ELAVL4: variants seen among roughly 807,000 people sequenced by gnomAD.
ELAVL4 encodes the protein ELAV like RNA binding protein 4.
A neutral mutation model predicts 35.6 loss-of-function variants in ELAVL4; 1 was observed. That is an observed-to-expected ratio of 0.03 (90% confidence interval 0.01 to 0.13). The LOEUF (loss-of-function observed/expected upper bound fraction) is 0.13, where lower values mean the gene tolerates loss of function less well. Among genes scored for constraint, ELAVL4 ranks in the 10% least tolerant of loss-of-function variants. The pLI, the probability that ELAVL4 is intolerant of heterozygous loss-of-function variation, is 1.00. For synonymous variants in ELAVL4, 156 were observed against 171.0 expected, an observed-to-expected ratio of 0.91 and a Z score of 0.69; for missense variants, 267 against 464.9, an observed-to-expected ratio of 0.57 and a Z score of 3.91.
At chr1:50,144,556 G>T in intron 1 of ELAVL4, 1 of 480,552 alleles carries the variant, frequency 2.1e-6, no homozygotes, top group South Asian at 1.5e-5. Context: ...TGTGAGTGTA[G>T]TCCTCTATAT....
intron 3 of ELAVL4, among the ~76,000 whole-genome samples, chr1:50,186,297 A>AT (rs35871729): frequency 6.6e-4 from 100 of 151,268 alleles, no homozygotes; most frequent in Non-Finnish European, 9.9e-4. Context: ...TTGAGAGAGC[A>AT]TTTTTTTTTG....
intron 1 of ELAVL4, among the ~76,000 whole-genome samples, chr1:50,081,714 A>G (rs10159329): frequency 0.064 from 9,730 of 152,278 alleles, 971 homozygotes; most frequent in African/African-American, 0.21. Context: ...GTTCTGGGAT[A>G]CATGTGCAGA....
intron 1 of ELAVL4, among the ~76,000 whole-genome samples, chr1:50,062,246 G>A (rs993456096): frequency 3.3e-5 from 5 of 152,216 alleles, no homozygotes; most frequent in African/African-American, 9.6e-5. Context: ...AGATAGCATC[G>A]GTCTTTGCTC....
chr1:50,110,896 G>A (rs1666956970), intron 1 of ELAVL4, among the ~76,000 whole-genome samples: 2 of 151,962 alleles, frequency 1.3e-5, no homozygotes, highest in Non-Finnish European at 2.9e-5. Context: ...AAAGGTTGCC[G>A]GGGAAACGAA....
intron 1 of ELAVL4, among the ~76,000 whole-genome samples, chr1:50,111,507 AT>A (rs1265035920): frequency 6.6e-6 from 1 of 152,106 alleles, no homozygotes; most frequent in Non-Finnish European, 1.5e-5. Flanking sequence ...ACTAAATCGG[AT>A]GTTGATACTA....
intron 2 of ELAVL4, among the ~76,000 whole-genome samples, chr1:50,158,308 C>T (rs1676109667): frequency 6.6e-6 from 1 of 152,092 alleles, no homozygotes; most frequent in Non-Finnish European, 1.5e-5. Flanking sequence ...GTGGCAAAGT[C>T]GAACCAATGT....
intron 1 of ELAVL4, among the ~76,000 whole-genome samples, chr1:50,074,100 G>T (rs1664656167): frequency 6.6e-6 from 1 of 152,180 alleles, no homozygotes; most frequent in African/African-American, 2.4e-5. Flanking sequence ...GGGTCCTGGG[G>T]CCATAGATGT....
chr1:50,069,384 C>A (rs971389736), intron 1 of ELAVL4, among the ~76,000 whole-genome samples: 2 of 152,172 alleles, frequency 1.3e-5, no homozygotes, highest in African/African-American at 4.8e-5. Context: ...CTGGTTGAGT[C>A]TTGTCTCCCT....
intron 3 of ELAVL4, chr1:50,180,874 T>C (rs1680913717): frequency 6.6e-6 from 1 of 152,198 alleles, no homozygotes; most frequent in Admixed American, 6.5e-5. Flanking sequence ...TAAAGATTAA[T>C]AGTAATGCTA....
intron 1 of ELAVL4, among the ~76,000 whole-genome samples, chr1:50,092,708 A>G (rs538573365): frequency 6.6e-6 from 1 of 152,284 alleles, no homozygotes; most frequent in South Asian, 2.1e-4. Context: ...TGATTTTTAA[A>G]TATTCAGAAA....
intron 1 of ELAVL4, among the ~76,000 whole-genome samples, chr1:50,080,438 A>T (rs201973752): frequency 6.6e-6 from 1 of 151,722 alleles, no homozygotes; most frequent in African/African-American, 2.4e-5. Flanking sequence ...ACACACACAC[A>T]CTCACACACA....
intron 2 of ELAVL4, 65 bp downstream of exon 2, chr1:50,145,262 G>A: frequency 6.3e-7 from 1 of 1,598,686 alleles, no homozygotes; most frequent in Admixed American, 1.7e-5. Context: ...AAATGCACAT[G>A]TGTGATGGTG....
intron 1 of ELAVL4, among the ~76,000 whole-genome samples, chr1:50,050,326 A>G (rs557519771): frequency 6.6e-6 from 1 of 152,148 alleles, no homozygotes; most frequent in African/African-American, 2.4e-5. Context: ...GGGGAGGGAG[A>G]TTTGGCTACA....
At chr1:50,139,649 A>C (rs1260898230) in intron 1 of ELAVL4, among the ~76,000 whole-genome samples, 1 of 152,166 alleles carries the variant, frequency 6.6e-6, no homozygotes, top group African/African-American at 2.4e-5. Context: ...CTAGTGTTAC[A>C]GGTAACTTGG....
At chr1:50,112,216 T>C (rs1003350883) in intron 1 of ELAVL4, among the ~76,000 whole-genome samples, 1 of 152,116 alleles carries the variant, frequency 6.6e-6, no homozygotes, top group African/African-American at 2.4e-5. Flanking sequence ...GGCCATATGT[T>C]GAGTGCATAA....
At chr1:50,130,628 T>C (rs535876116) in intron 1 of ELAVL4, among the ~76,000 whole-genome samples, 6 of 152,322 alleles carry the variant, frequency 3.9e-5, no homozygotes, top group African/African-American at 1.4e-4. Flanking sequence ...ACTTTGTATG[T>C]ACTTTTTCCA....
rs1455730459 is a variant in ELAVL4 at position 50,114,092 on chromosome 1, A to G, written c.9+4894A>G. 8.5e-5 allele frequency among the ~76,000 whole-genome samples: 13 copies of G among 152,190 alleles called. No homozygotes were observed. The South Asian group carries it at 2.5e-3, about 29-fold the overall frequency. On this transcript the variant is annotated intron_variant, in intron 1 of 6. Transcript: ENST00000371824. ...AGACCCTGCAGTCTGTTAGTAACCA[A>G]ACACCTTTCTTTAGCTGCCACTTAA...
chr1:50,103,850 G>T (rs558966922), upstream of ELAVL4: 2 of 1,530,528 alleles, frequency 1.3e-6, no homozygotes, highest in East Asian at 2.4e-5. Context: ...CAGACAGCCG[G>T]AACAGGAGGA....
At chr1:50,119,036 AAAAG>A (rs531184149) in intron 1 of ELAVL4, among the ~76,000 whole-genome samples, 20,085 of 127,026 alleles carry the variant, frequency 0.16, 1,691 homozygotes, top group Non-Finnish European at 0.2. Flanking sequence ...GAAAGAAAGA[AAAAG>A]AAAGAAAGAA....
Sources: gnomAD v4.1 joint callset for allele counts (sites outside exome capture counted in the v4.1 genomes callset) on GRCh38, gnomAD v4.1.1 for gene constraint, MANE v1.5 for transcripts, NCBI Gene and HGNC (gene_info 2026-07-23, HGNC 2026-07-21) for gene names.